The following STAM variants were observed in gnomAD, a reference collection of about 807,000 sequenced individuals.
STAM encodes the protein signal transducing adapter molecule 1.
STAM carries 16 observed loss-of-function variants against 63.4 expected under a neutral mutation model. The observed-to-expected ratio is 0.25, with a 90% confidence interval of 0.17 to 0.38. The LOEUF (loss-of-function observed/expected upper bound fraction) is 0.38. Ranked by LOEUF, STAM falls within the 10% of genes least tolerant of loss-of-function variation. The pLI, the probability that STAM is intolerant of heterozygous loss-of-function variation, is 1.00. For synonymous variants in STAM, 238 were observed against 223.9 expected (o/e 1.06, Z -0.56); for missense variants, 636 against 657.1 (o/e 0.97, Z 0.35).
At chr10:17,709,016 A>G in intron 13 of STAM, 65 bp downstream of exon 13, 5 of 1,527,240 alleles carry the variant, frequency 3.3e-6, no homozygotes, top group Non-Finnish European at 4.4e-6. Context: ...GCCCCCAGTT[A>G]TCTATAACTA....
At position 17,667,697 on chromosome 10, in the gene STAM, C is replaced by G. The variant is rs553975210; in HGVS notation, c.125+7149C>G. Among the ~76,000 whole-genome samples the G allele has an allele frequency of 3.3e-5, 5 of 152,216 alleles. No homozygotes were observed. In the East Asian group the frequency reaches 7.7e-4, roughly 24 times the overall value. ...GGTCAATAGCTAAGAAGCTAGTAAC[C>G]AGAGTGCTATAATGGAAAATAAAAA... On this transcript the variant is annotated intron_variant, in intron 2 of 13. Coordinates refer to ENST00000377524, the MANE Select transcript of STAM (RefSeq NM_003473.4).
intron 5 of STAM, among the ~76,000 whole-genome samples, chr10:17,689,370 A>C (rs782335838): frequency 3.3e-5 from 5 of 152,180 alleles, no homozygotes; most frequent in Non-Finnish European, 5.9e-5. Flanking sequence ...ATCCAGACCT[A>C]CATGTGCTTT....
At chr10:17,705,961 G>A (rs1483882415) in intron 12 of STAM, among the ~76,000 whole-genome samples, 1 of 151,382 alleles carries the variant, frequency 6.6e-6, no homozygotes, top group Non-Finnish European at 1.5e-5. Context: ...CCCTGCTCTC[G>A]AAAAGCTGAG....
At chr10:17,699,468 T>C (rs1330217371) in intron 8 of STAM, among the ~76,000 whole-genome samples, 1 of 152,230 alleles carries the variant, frequency 6.6e-6, no homozygotes, top group Non-Finnish European at 1.5e-5. Context: ...GGTTGTTATA[T>C]AGCTACTGTT....
chr10:17,647,262 A>T (rs756822813), intron 1 of STAM, among the ~76,000 whole-genome samples: 2 of 152,214 alleles, frequency 1.3e-5, no homozygotes, highest in Admixed American at 1.3e-4. Flanking sequence ...TCAAGTTTGT[A>T]TTTCAAAGTC....
At chr10:17,661,214 C>T (rs1834152713) in intron 2 of STAM, among the ~76,000 whole-genome samples, 1 of 152,150 alleles carries the variant, frequency 6.6e-6, no homozygotes, top group South Asian at 2.1e-4. Flanking sequence ...AGCTCCTGGG[C>T]TAACAGCATT....
chr10:17,680,150 C>T (rs1554825128), intron 2 of STAM, among the ~76,000 whole-genome samples: 1 of 151,986 alleles, frequency 6.6e-6, no homozygotes, highest in African/African-American at 2.4e-5. Context: ...TTCCTCGTTT[C>T]TTAAGGTATA....
At chr10:17,658,778 T>G (rs193210430) in intron 1 of STAM, among the ~76,000 whole-genome samples, 2 of 152,324 alleles carry the variant, frequency 1.3e-5, no homozygotes, top group East Asian at 3.9e-4. Flanking sequence ...AAAGCCACTG[T>G]GCCTGGCCTC....
At chr10:17,660,435 G>A (rs1438162342) in intron 1 of STAM, 29 bp from the exon 2 acceptor site, 3 of 1,445,100 alleles carry the variant, frequency 2.1e-6, no homozygotes, top group Non-Finnish European at 2.8e-6. Context: ...GAAAAATAAT[G>A]TTTCTGCAAT....
At chr10:17,660,413 T>C in intron 1 of STAM, 51 bp from the exon 2 acceptor site, 1 of 1,273,848 alleles carries the variant, frequency 7.9e-7, no homozygotes, top group Non-Finnish European at 1.1e-6. Flanking sequence ...ATTATGTATC[T>C]TTTAAAGATT....
At chr10:17,691,407 A>G (rs918988712) in intron 5 of STAM, among the ~76,000 whole-genome samples, 1 of 152,060 alleles carries the variant, frequency 6.6e-6, no homozygotes, top group Non-Finnish European at 1.5e-5. Flanking sequence ...AGTCCCAGCT[A>G]CTCAGGAGGC....
Position 17,698,459 on chromosome 10 carries a change from A to G in STAM, c.823+1590A>G, listed in dbSNP as rs17141513. ...TAAGTCATATAGCAATGCAGCTTCAATATGAGTTTTCTAGTTTTTCTCATG... is the reference window on the plus strand; with the variant it reads ...TAAGTCATATAGCAATGCAGCTTCAGTATGAGTTTTCTAGTTTTTCTCATG... On this transcript the variant is annotated intron_variant, in intron 8 of 13. Transcript: ENST00000377524. Among the ~76,000 whole-genome samples, 1,286 of 151,848 alleles carry G rather than the reference A, an allele frequency of 8.5e-3. 19 individuals are homozygous for G. Among genetic ancestry groups the G allele is most frequent in the African/African-American group, 0.029 (1,209 of 41,390 alleles).
intron 2 of STAM, among the ~76,000 whole-genome samples, chr10:17,665,193 A>G (rs571125289): frequency 2.6e-5 from 4 of 152,268 alleles, no homozygotes; most frequent in Non-Finnish European, 1.5e-5. Flanking sequence ...CCTTCTCTTA[A>G]AAAGGAAAAA....
At chr10:17,647,435 T>A (rs1384810359) in intron 1 of STAM, among the ~76,000 whole-genome samples, 1 of 152,140 alleles carries the variant, frequency 6.6e-6, no homozygotes, top group Non-Finnish European at 1.5e-5. Context: ...TTTTTTTGCT[T>A]CCCCTTTTTG....
chr10:17,707,828 T>G (rs573559472), intron 12 of STAM, among the ~76,000 whole-genome samples: 1 of 151,668 alleles, frequency 6.6e-6, no homozygotes, highest in East Asian at 1.9e-4. Context: ...CTCTTTAGAT[T>G]AAAAAAATGC....
At chr10:17,700,484 T>G (rs936169468) in intron 9 of STAM, among the ~76,000 whole-genome samples, 2 of 152,222 alleles carry the variant, frequency 1.3e-5, no homozygotes, top group Non-Finnish European at 2.9e-5. Flanking sequence ...GCCTCATTAT[T>G]TTAAATTCCT....
intron 5 of STAM, among the ~76,000 whole-genome samples, chr10:17,692,918 C>T (rs1164985876): frequency 2.0e-5 from 3 of 151,832 alleles, no homozygotes; most frequent in East Asian, 1.9e-4. Context: ...TTTTTAAACA[C>T]GTTGAAATCT....
chr10:17,705,056 A>G lies in STAM; in HGVS notation c.1055+32A>G, dbSNP rs201295044. 8.2e-6 allele frequency: 13 copies of G among 1,595,032 alleles called. No homozygotes were observed. The Middle Eastern group carries it at 6.6e-4, about 82-fold the overall frequency. On this transcript the variant is annotated intron_variant, in intron 11 of 13. Coordinates refer to ENST00000377524, the MANE Select transcript of STAM (RefSeq NM_003473.4). ...GAACATGGGTGCATTTATGTTGTGT[A>G]CCTTCTTTCCTGAAGCTATCACTGT... is the stretch of plus-strand genomic sequence containing the variant.
intron 2 of STAM, among the ~76,000 whole-genome samples, chr10:17,675,503 C>CAAA (rs199745685): frequency 0.073 from 8,053 of 110,566 alleles, 275 homozygotes; most frequent in Middle Eastern, 0.15. Context: ...GACTCTGTCT[C>CAAA]AAAAAAAAAA....
Sources: allele counts gnomAD v4.1 joint callset (sites outside exome capture counted in the v4.1 genomes callset), GRCh38; gene constraint gnomAD v4.1.1; transcripts MANE v1.5; gene names NCBI Gene and HGNC (gene_info 2026-07-23, HGNC 2026-07-21).